The following PDLIM5 variants were observed in gnomAD, a reference collection of about 807,000 sequenced individuals.
The protein encoded by PDLIM5 is PDZ and LIM domain protein 5.
In PDLIM5, 34 loss-of-function variants were observed where a neutral mutation model predicts 64.2. The ratio of observed to expected loss-of-function variants is 0.53; its 90% CI spans 0.40 to 0.71. The LOEUF (loss-of-function observed/expected upper bound fraction) is 0.71. Ranked by LOEUF, PDLIM5 falls within the 30% of genes least tolerant of loss-of-function variation. The pLI, the probability that PDLIM5 is intolerant of heterozygous loss-of-function variation, is 0.00. For synonymous variants in PDLIM5, 253 were observed against 269.1 expected (o/e 0.94, Z 0.59); for missense variants, 683 against 733.6 (o/e 0.93, Z 0.80).
At chr4:94,579,435 TG>T (rs1196141933) in intron 5 of PDLIM5, 5 of 573,910 alleles carry the variant, frequency 8.7e-6, no homozygotes, top group Non-Finnish European at 1.5e-5. Flanking sequence ...TAACAGCTCC[TG>T]TGTGATACTT....
chr4:94,626,334 G>GT (rs905643412), intron 8 of PDLIM5, among the ~76,000 whole-genome samples: 1 of 152,100 alleles, frequency 6.6e-6, no homozygotes, highest in African/African-American at 2.4e-5. Flanking sequence ...GCACAATAAG[G>GT]TAATGTCATT....
chr4:94,562,438 A>G (rs542428474), intron 3 of PDLIM5, among the ~76,000 whole-genome samples: 179 of 152,350 alleles, frequency 1.2e-3, no homozygotes, highest in Non-Finnish European at 2.0e-3. Context: ...AAAGTGTGAA[A>G]ACAGTTTTCC....
chr4:94,509,978 G>T (rs555804047), intron 2 of PDLIM5, among the ~76,000 whole-genome samples: 3 of 152,186 alleles, frequency 2.0e-5, no homozygotes, highest in Admixed American at 2.0e-4. Flanking sequence ...AAGTTGCCAC[G>T]CAGTATCAAC....
intron 11 of PDLIM5, 108 bp downstream of exon 11, chr4:94,657,655 T>A: frequency 2.4e-6 from 2 of 821,112 alleles, no homozygotes; most frequent in South Asian, 4.4e-5. Context: ...ATTTTCTTAA[T>A]TGTTTTGGAA....
intron 2 of PDLIM5, among the ~76,000 whole-genome samples, chr4:94,505,519 C>T (rs986596609): frequency 2.0e-5 from 3 of 152,146 alleles, no homozygotes; most frequent in African/African-American, 4.8e-5. Context: ...ACCTCAGCCT[C>T]CCAAAGTGCT....
chr4:94,566,841 C>T (rs1394802478), intron 3 of PDLIM5, among the ~76,000 whole-genome samples: 1 of 152,212 alleles, frequency 6.6e-6, no homozygotes, highest in Non-Finnish European at 1.5e-5. Context: ...ATATGACCCT[C>T]ATTCAGCATC....
chr4:94,523,558 A>G (rs1229510605), intron 2 of PDLIM5, among the ~76,000 whole-genome samples, 166 bp from the exon 3 acceptor site: 2 of 152,180 alleles, frequency 1.3e-5, no homozygotes, highest in African/African-American at 4.8e-5. Context: ...AATCATTTGA[A>G]TTTTATCTTT....
chr4:94,576,564 T>C (rs1735281183), intron 5 of PDLIM5, among the ~76,000 whole-genome samples: 1 of 152,234 alleles, frequency 6.6e-6, no homozygotes, highest in Non-Finnish European at 1.5e-5. Flanking sequence ...CAACATTGTT[T>C]TCAGATAAGT....
chr4:94,459,975 C>T (rs1403774001), intron 2 of PDLIM5, among the ~76,000 whole-genome samples: 1 of 152,188 alleles, frequency 6.6e-6, no homozygotes, highest in Non-Finnish European at 1.5e-5. Flanking sequence ...GACTTTCAGT[C>T]CTCAAGCTGA....
chr4:94,526,714 A>C (rs958077786), intron 3 of PDLIM5, among the ~76,000 whole-genome samples: 8 of 151,682 alleles, frequency 5.3e-5, no homozygotes, highest in African/African-American at 1.7e-4. Context: ...ATGTTTTCCA[A>C]GTTTGAACAG....
intron 9 of PDLIM5, among the ~76,000 whole-genome samples, chr4:94,644,126 A>C (rs1010080608): frequency 1.3e-5 from 2 of 152,188 alleles, no homozygotes; most frequent in Non-Finnish European, 2.9e-5. Context: ...ATAATAGTTA[A>C]AGTTAAATGT....
At chr4:94,543,778 CTGTGTGTGTGTG>C (rs60929032) in intron 3 of PDLIM5, among the ~76,000 whole-genome samples, 15,132 of 131,994 alleles carry the variant, frequency 0.11, 963 homozygotes, top group Middle Eastern at 0.15. Flanking sequence ...TAGTATTCCA[CTGTGTGTGTGTG>C]TGTGTGTGTG....
chr4:94,475,350 G>A (rs953809593), intron 2 of PDLIM5, among the ~76,000 whole-genome samples: 5 of 152,172 alleles, frequency 3.3e-5, no homozygotes, highest in Admixed American at 3.3e-4. Flanking sequence ...TTCTGTTAAG[G>A]AAGTACTTTC....
chr4:94,520,542 A>G (rs1211192181), intron 2 of PDLIM5, among the ~76,000 whole-genome samples: 6 of 152,356 alleles, frequency 3.9e-5, no homozygotes, highest in Middle Eastern at 3.4e-3. Flanking sequence ...GCTACATCCT[A>G]CCCAATTAAG....
rs771797039 is a variant in PDLIM5, at chr4:94,657,423, A to G, written c.1465-4A>G. On this transcript the variant is annotated splice_region_variant and splice_polypyrimidine_tract_variant and intron_variant, in intron 10 of 12. Coordinates refer to ENST00000317968, the MANE Select transcript of PDLIM5 (RefSeq NM_006457.5). ...TTTTACATCCAATTACCTTTCTGTA[A>G]CAGGAAGTCATCAGTGCGTTGAAAC... The G allele has an allele frequency of 6.3e-6, 10 of 1,581,664 alleles. No homozygotes were observed. Among genetic ancestry groups the G allele is most frequent in the Non-Finnish European group, 8.7e-6 (10 of 1,151,904 alleles).
chr4:94,545,050 G>A (rs988004915), intron 3 of PDLIM5, among the ~76,000 whole-genome samples: 2 of 152,166 alleles, frequency 1.3e-5, no homozygotes, highest in African/African-American at 4.8e-5. Context: ...TGGCTATGAG[G>A]AAGTTACTTC....
Position 94,545,905 on chromosome 4 carries a change from C to A in PDLIM5, c.248+22030C>A, listed in dbSNP as rs116179072. Among the ~76,000 whole-genome samples, 685 of 152,196 alleles carry A rather than the reference C, an allele frequency of 4.5e-3. 7 individuals are homozygous for A. Among genetic ancestry groups the A allele is most frequent in the African/African-American group, 0.016 (654 of 41,518 alleles). ...TGTTAAATCATTGACAACTGAGCAGCCTTCAAAAGTATATTTTTATAAAAG... is the reference window on the plus strand; with the variant it reads ...TGTTAAATCATTGACAACTGAGCAGACTTCAAAAGTATATTTTTATAAAAG... On this transcript the variant is annotated intron_variant, in intron 3 of 12. Coordinates refer to ENST00000317968, the MANE Select transcript of PDLIM5 (RefSeq NM_006457.5).
chr4:94,462,817 A>C (rs927715756), intron 2 of PDLIM5, among the ~76,000 whole-genome samples: 1 of 152,116 alleles, frequency 6.6e-6, no homozygotes, highest in Non-Finnish European at 1.5e-5. Context: ...GTTTCAACAG[A>C]CCTTGATCAT....
intron 9 of PDLIM5, among the ~76,000 whole-genome samples, chr4:94,649,212 G>A (rs1741654615): frequency 6.6e-6 from 1 of 152,080 alleles, no homozygotes; most frequent in African/African-American, 2.4e-5. Context: ...CTGGCCTCAA[G>A]TGATCCGCCC....
Sources: allele counts gnomAD v4.1 joint callset (sites outside exome capture counted in the v4.1 genomes callset), GRCh38; gene constraint gnomAD v4.1.1; transcripts MANE v1.5; gene names NCBI Gene and HGNC (gene_info 2026-07-23, HGNC 2026-07-21).